ZNF451: variants seen among roughly 807,000 people sequenced by gnomAD.
ZNF451 encodes the protein E3 SUMO-protein ligase ZNF451.
A neutral mutation model predicts 107.1 loss-of-function variants in ZNF451; 80 were observed. The ratio of observed to expected loss-of-function variants is 0.75; its 90% CI spans 0.62 to 0.90. ZNF451 has a LOEUF of 0.90. Among genes scored for constraint, ZNF451 ranks in the 40% least tolerant of loss-of-function variants. The pLI is 0.00. For missense variants in ZNF451, 1,107 were observed against 1,236.2 expected, an observed-to-expected ratio of 0.90 and a Z score of 1.57; for synonymous variants, 362 against 406.5, an observed-to-expected ratio of 0.89 and a Z score of 1.32.
rs181652698 is a variant in ZNF451 at position 57,115,347 on chromosome 6, G to A, written c.187-9387G>A. 62 of 152,256 alleles carry A rather than the reference G, an allele frequency of 4.1e-4. No individual in the cohort carries two copies. In the East Asian group the frequency reaches 6.0e-3, roughly 15 times the overall value. 9.4% of individuals were successfully genotyped at this position (152,256 alleles called of 1,614,324 possible). The stretch of plus-strand genomic sequence containing the variant: ...AATGTAAGTTTAACATTATCATTTC[G>A]TTGATTATGGGATTTTGTGTCAGGT... On this transcript the variant is annotated intron_variant, in intron 3 of 14. Transcript: ENST00000370706.
At chr6:57,117,326 AT>A (rs5876529) in intron 3 of ZNF451, among the ~76,000 whole-genome samples, 1 of 147,320 alleles carries the variant, frequency 6.8e-6, no homozygotes. Flanking sequence ...ATTTTAGAGC[AT>A]TTTTTTTTTT....
At chr6:57,112,049 T>C (rs550815485) in intron 3 of ZNF451, among the ~76,000 whole-genome samples, 38 of 152,328 alleles carry the variant, frequency 2.5e-4, no homozygotes, top group Admixed American at 3.3e-4. Context: ...AAATAAATAT[T>C]GTACTGTTAT....
At chr6:57,096,183 T>G (rs1378589480) in intron 2 of ZNF451, among the ~76,000 whole-genome samples, 1 of 133,556 alleles carries the variant, frequency 7.5e-6, no homozygotes, top group Non-Finnish European at 1.6e-5. Context: ...TCTGTTTTTT[T>G]TTTTTTTTTT....
At chr6:57,138,702 GC>G in intron 7 of ZNF451, among the ~76,000 whole-genome samples, 1 of 85,346 alleles carries the variant, frequency 1.2e-5, no homozygotes, top group South Asian at 5.0e-4. Context: ...TTGCAGCTAT[GC>G]CATATATATA....
At chr6:57,121,009 G>A (rs1830612159) in intron 3 of ZNF451, among the ~76,000 whole-genome samples, 1 of 152,048 alleles carries the variant, frequency 6.6e-6, no homozygotes, top group Non-Finnish European at 1.5e-5. Flanking sequence ...GAGTTTTATA[G>A]TTTTGTATCT....
At chr6:57,109,022 CTT>C in intron 3 of ZNF451, 1 of 985,382 alleles carries the variant, frequency 1.0e-6, no homozygotes, top group Non-Finnish European at 1.2e-6. Flanking sequence ...ATACACAAAT[CTT>C]TTCATTTTCT....
In ZNF451 at chr6:57,154,028, C is replaced by G. The variant is rs753789328; in HGVS notation, c.3051C>G (p.Ser1017Arg). The G allele has an allele frequency of 6.2e-7, 1 of 1,614,136 alleles. No homozygotes were observed. Among genetic ancestry groups the G allele is most frequent in the South Asian group, 1.1e-5 (1 of 91,080 alleles). ...EGDMMCALLN[S>R]ISDTTKECDS... The stretch of plus-strand genomic sequence containing the variant: ...ATATGATGTGTGCCTTGTTAAATAG[C>G]ATATCTGATACCACCAAAGGTACGC... Residue 1017 changes from serine to arginine, a missense_variant, in exon 13 of 15, where the codon AGC becomes AGG. Around this residue, in one of 5 missense-constraint regions of ZNF451, gnomAD observed 151 missense variants for 173.3 expected, o/e 0.87. Transcript: ENST00000370706.
intron 3 of ZNF451, chr6:57,100,690 A>G (rs373834981): frequency 1.3e-6 from 2 of 1,550,494 alleles, no homozygotes; most frequent in Non-Finnish European, 1.7e-6. Context: ...CATTGGAGAT[A>G]GCAGCTCCTT....
chr6:57,098,426 A>C (rs538476344), intron 2 of ZNF451, among the ~76,000 whole-genome samples: 13 of 152,094 alleles, frequency 8.5e-5, no homozygotes, highest in African/African-American at 3.1e-4. Context: ...TTAGTTCTGC[A>C]TTGTCATGTG....
At chr6:57,152,924 AC>A (rs1832417311) in intron 12 of ZNF451, among the ~76,000 whole-genome samples, 1 of 152,122 alleles carries the variant, frequency 6.6e-6, no homozygotes, top group African/African-American at 2.4e-5. Context: ...ATATTAAGAC[AC>A]TTTCATATTT....
intron 12 of ZNF451, 99 bp from the exon 13 acceptor site, chr6:57,153,762 A>G (rs1763262547): frequency 1.6e-6 from 2 of 1,246,004 alleles, no homozygotes; most frequent in African/African-American, 1.5e-5. Flanking sequence ...AACAAGCTTA[A>G]TATACCTTCC....
At chr6:57,112,047 A>G (rs1316773186) in intron 3 of ZNF451, among the ~76,000 whole-genome samples, 1 of 152,168 alleles carries the variant, frequency 6.6e-6, no homozygotes, top group African/African-American at 2.4e-5. Flanking sequence ...GTAAATAAAT[A>G]TTGTACTGTT....
chr6:57,103,549 T>G (rs1427191511), intron 3 of ZNF451: 2 of 985,248 alleles, frequency 2.0e-6, no homozygotes, highest in African/African-American at 3.5e-5. Context: ...AGCCCTTAGA[T>G]CCATGTCTTC....
intron 3 of ZNF451, among the ~76,000 whole-genome samples, chr6:57,114,727 A>G (rs181256381): frequency 3.3e-5 from 5 of 152,198 alleles, no homozygotes; most frequent in Non-Finnish European, 7.4e-5. Flanking sequence ...AACCAAGTCC[A>G]TTATGTTCCC....
At chr6:57,117,826 T>G (rs1422367868) in intron 3 of ZNF451, among the ~76,000 whole-genome samples, 1 of 152,156 alleles carries the variant, frequency 6.6e-6, no homozygotes, top group African/African-American at 2.4e-5. Context: ...CAAAAGTAAC[T>G]TAAAATGGTT....
chr6:57,166,500 G>C (rs1394080657), intron 14 of ZNF451, among the ~76,000 whole-genome samples: 1 of 151,986 alleles, frequency 6.6e-6, no homozygotes, highest in Non-Finnish European at 1.5e-5. Context: ...TATTCTATAA[G>C]CTTTTCCCTA....
intron 9 of ZNF451, among the ~76,000 whole-genome samples, chr6:57,143,321 T>G (rs984489346): frequency 6.6e-6 from 1 of 152,158 alleles, no homozygotes; most frequent in African/African-American, 2.4e-5. Flanking sequence ...AAATTCAGCT[T>G]TGATATTTTT....
intron 3 of ZNF451, among the ~76,000 whole-genome samples, chr6:57,114,480 C>G (rs1287127480): frequency 6.6e-6 from 1 of 151,848 alleles, no homozygotes; most frequent in Non-Finnish European, 1.5e-5. Flanking sequence ...AAATATTTTC[C>G]CAATAGCCAT....
intron 7 of ZNF451, among the ~76,000 whole-genome samples, chr6:57,140,426 C>G (rs539870761): frequency 6.6e-6 from 1 of 151,838 alleles, no homozygotes; most frequent in East Asian, 1.9e-4. Flanking sequence ...ATTTGCCTGA[C>G]AAAAATGAAA....
Sources: allele counts gnomAD v4.1 joint callset (sites outside exome capture counted in the v4.1 genomes callset), GRCh38; gene constraint gnomAD v4.1.1; regional missense constraint gnomAD v4.1.1; transcripts MANE v1.5; gene names NCBI Gene and HGNC (gene_info 2026-07-23, HGNC 2026-07-21).